The following CNTRL variants were observed in gnomAD, a reference collection of about 807,000 sequenced individuals.
The protein encoded by CNTRL is centriolin.
Under a neutral mutation model 303.7 loss-of-function variants are expected in CNTRL, and 233 were observed. The ratio of observed to expected loss-of-function variants is 0.77; its 90% CI spans 0.69 to 0.86. The LOEUF is 0.86. CNTRL is among the 40% of genes least tolerant of loss of function. CNTRL has a pLI of 0.00. For synonymous variants in CNTRL, 900 were observed against 922.2 expected (o/e 0.98, Z 0.44); for missense variants, 2,524 against 2,650.6 (o/e 0.95, Z 1.05).
chr9:121,096,629 G>C, intron 6 of CNTRL, 66 bp downstream of exon 6: 1 of 1,259,236 alleles, frequency 7.9e-7, no homozygotes, highest in Admixed American at 2.7e-5. Context: ...AAATATCTAA[G>C]TTTTTTAAAA....
rs2051460310 is a variant in CNTRL at position 121,140,733 on chromosome 9, A to G, written c.2430A>G (p.Ala810=). ...GTTTGGTTCGTCCAGAAGAAGTGGC[A>G]GCTCGTGTGGATGAGCTAAGAAGAA... ...VDGLVRPEEV[A]ARVDELRRKL... Residue 810 remains alanine (A), a synonymous_variant, in exon 17 of 44, where the codon GCA becomes GCG. Coordinates refer to ENST00000373855, the MANE Select transcript of CNTRL (RefSeq NM_007018.6). The G allele has an allele frequency of 6.2e-7, 1 of 1,613,594 alleles. No homozygotes were observed. Among genetic ancestry groups the G allele is most frequent in the African/African-American group, 1.3e-5 (1 of 74,928 alleles).
chr9:121,081,095 G>GT (rs1771442790), intron 2 of CNTRL, among the ~76,000 whole-genome samples: 3 of 152,302 alleles, frequency 2.0e-5, no homozygotes, highest in Admixed American at 6.5e-5. Context: ...TGGCCTCTCT[G>GT]TGCAGCATTC....
chr9:121,090,471 A>G, intron 4 of CNTRL, 66 bp downstream of exon 4: 1 of 1,450,110 alleles, frequency 6.9e-7, no homozygotes, highest in South Asian at 1.3e-5. Flanking sequence ...AATACTGCGA[A>G]AAAAAATTAT....
intron 27 of CNTRL, among the ~76,000 whole-genome samples, chr9:121,156,132 GATA>G (rs1373822862): frequency 6.6e-6 from 1 of 151,562 alleles, no homozygotes; most frequent in Non-Finnish European, 1.5e-5. Context: ...AAGATATTTT[GATA>G]ATATATCAAA....
chr9:121,086,425 G>A (rs1448872688), intron 2 of CNTRL, among the ~76,000 whole-genome samples: 1 of 152,158 alleles, frequency 6.6e-6, no homozygotes. Flanking sequence ...AGCAACAGTT[G>A]AGCTGATCTC....
rs145094487 is a variant in CNTRL, at chr9:121,133,480, G to A, written c.2026-2326G>A. 8.8e-3 allele frequency among the ~76,000 whole-genome samples: 1,345 copies of A among 152,358 alleles called. 69 individuals are homozygous for A. Among genetic ancestry groups the A allele is most frequent in the Admixed American group, 0.075 (1,143 of 15,308 alleles). ...GTGGGATATGATCTCCTGGTGTGCTGTTTGCTAAGACCATTGGAAAAGCAC... is the reference window on the plus strand; with the variant it reads ...GTGGGATATGATCTCCTGGTGTGCTATTTGCTAAGACCATTGGAAAAGCAC... On this transcript the variant is annotated intron_variant, in intron 14 of 43. Coordinates refer to ENST00000373855, the MANE Select transcript of CNTRL (RefSeq NM_007018.6).
At position 121,082,064 on chromosome 9, in the gene CNTRL, T is replaced by G. The variant is rs563447340; in HGVS notation, c.-32+1586T>G. On this transcript the variant is annotated intron_variant, in intron 2 of 43. Coordinates refer to ENST00000373855, the MANE Select transcript of CNTRL (RefSeq NM_007018.6). ...TATGTGATAGGAAACAGGAGGAACA[T>G]CAAATATATAGGTTAAAAGAGAAAT... Among the ~76,000 whole-genome samples, 12 of 152,330 alleles carry G rather than the reference T, an allele frequency of 7.9e-5. No individual in the cohort carries two copies. The South Asian group carries it at 2.5e-3, about 32-fold the overall frequency.
At position 121,151,464 on chromosome 9, in the gene CNTRL, C is replaced by T. The variant is rs1180667278; in HGVS notation, c.3963+981C>T. Among the ~76,000 whole-genome samples, 10 of 130,412 alleles carry T rather than the reference C, an allele frequency of 7.7e-5. No homozygotes were observed. In the Admixed American group the frequency reaches 1.0e-3, roughly 13 times the overall value. The allele number at this position is 130,412 out of a possible 152,430, so 85.6% of individuals were successfully genotyped here. On this transcript the variant is annotated intron_variant, in intron 25 of 43. Transcript: ENST00000373855. ...GGAGTGCGGTGGCGTGATCTTGGCT[C>T]ACTGCAACCTCCGCCTCCCGGGTTC...
At chr9:121,137,153 A>G (rs1463408999) in intron 15 of CNTRL, among the ~76,000 whole-genome samples, 1 of 152,202 alleles carries the variant, frequency 6.6e-6, no homozygotes, top group African/African-American at 2.4e-5. Context: ...CAGTTGTAAT[A>G]TATTCTTTAT....
chr9:121,176,296 A>T (rs2053521509), intron 43 of CNTRL, among the ~76,000 whole-genome samples: 1 of 152,228 alleles, frequency 6.6e-6, no homozygotes, highest in Non-Finnish European at 1.5e-5. Flanking sequence ...TTAATGGTGG[A>T]GCCACAAGGA....
chr9:121,149,667 A>C (rs950690426), intron 24 of CNTRL, among the ~76,000 whole-genome samples: 1 of 152,050 alleles, frequency 6.6e-6, no homozygotes, highest in Non-Finnish European at 1.5e-5. Context: ...TCGGCCTCCC[A>C]AAGTGCTGGG....
rs1435427943 is a variant in CNTRL at position 121,144,733 on chromosome 9, A to G, written c.3052-110A>G. 9.2e-6 allele frequency: 8 copies of G among 873,914 alleles called. No homozygotes were observed. In the East Asian group the frequency reaches 9.9e-5, roughly 11 times the overall value. 54.1% of individuals were successfully genotyped at this position (873,914 alleles called of 1,614,324 possible). A position where few individuals can be genotyped will look rare whatever the true frequency, so the allele number is the denominator to read the frequency against. ...GGGGCTTGGATGTCCCTTTTCATGG[A>G]CAGCCTGGTAGGCAATGTGATGAAA... is the stretch of plus-strand genomic sequence containing the variant. On this transcript the variant is annotated intron_variant, in intron 20 of 43. Transcript: ENST00000373855.
chr9:121,117,579 A>G (rs2050035335), intron 11 of CNTRL, among the ~76,000 whole-genome samples: 2 of 152,206 alleles, frequency 1.3e-5, no homozygotes, highest in Non-Finnish European at 2.9e-5. Context: ...ACAAACTCCT[A>G]GTATGACCTT....
chr9:121,161,053 C>T (rs1014611605), intron 32 of CNTRL, among the ~76,000 whole-genome samples: 1 of 152,096 alleles, frequency 6.6e-6, no homozygotes, highest in African/African-American at 2.4e-5. Context: ...GACATGCAAA[C>T]ATGACCATGA....
In CNTRL at chr9:121,154,830, C is replaced by A. The variant is rs758206739; in HGVS notation, c.4282C>A (p.Leu1428Ile). 6.2e-7 allele frequency: 1 copy of A among 1,614,128 alleles called. No individual in the cohort carries two copies. Among genetic ancestry groups the A allele is most frequent in the South Asian group, 1.1e-5 (1 of 91,080 alleles). Reference sequence around the variant, plus strand: ...TGAAATTGAGTGCATTGAGAAGACTCTTCTGAAACGTCGCTCAGAGCTCAG... The same window carrying A: ...TGAAATTGAGTGCATTGAGAAGACTATTCTGAAACGTCGCTCAGAGCTCAG... The part of the protein sequence containing the change: ...VDEIECIEKT[L>I]LKRRSELREA... Residue 1428 changes from leucine (L) to isoleucine (I), a missense_variant, in exon 27 of 44, where the codon CTT becomes ATT. By Grantham distance (5) the Leu-to-Ile change is conservative (BLOSUM62 2). Transcript: ENST00000373855.
chr9:121,095,815 T>C (rs2132514181), intron 5 of CNTRL, among the ~76,000 whole-genome samples: 1 of 145,806 alleles, frequency 6.9e-6, no homozygotes, highest in South Asian at 2.2e-4. Flanking sequence ...GGCTTTGAAG[T>C]ATTTGTGCAG....
At chr9:121,096,683 C>T (rs979965981) in intron 6 of CNTRL, 120 bp downstream of exon 6, 19 of 726,842 alleles carry the variant, frequency 2.6e-5, no homozygotes, top group Middle Eastern at 4.4e-4. Flanking sequence ...TGACTAAACA[C>T]TAGATTCAGA....
chr9:121,144,117 T>A, intron 20 of CNTRL, 35 bp downstream of exon 20: 6 of 1,523,198 alleles, frequency 3.9e-6, no homozygotes, highest in Non-Finnish European at 4.4e-6. Context: ...TTTCCATCAA[T>A]GATGCTGCTG....
chr9:121,167,622 A>G lies in CNTRL; in HGVS notation c.5789A>G (p.Gln1930Arg). The change falls in exon 37 of 44, where the codon CAA becomes CGA. Residue 1930 changes from glutamine (Q) to arginine (R), a missense_variant. By Grantham distance (43) the Gln-to-Arg change is conservative. Coordinates refer to ENST00000373855, the MANE Select transcript of CNTRL (RefSeq NM_007018.6). ...GAGGAGACAAAACAACAACAACTTCAAGTGCTTCAGAATGAGATTGAAGAA... is the reference window on the plus strand; with the variant it reads ...GAGGAGACAAAACAACAACAACTTCGAGTGCTTCAGAATGAGATTGAAGAA... ...KEEETKQQQL[Q>R]VLQNEIEENK... 1 of 1,614,196 alleles carries G rather than the reference A, an allele frequency of 6.2e-7. No individual in the cohort carries two copies. The highest frequency in any genetic ancestry group is 1.1e-5 in the South Asian group (1 of 91,084).
Sources: gnomAD v4.1 joint callset for allele counts (sites outside exome capture counted in the v4.1 genomes callset) on GRCh38, gnomAD v4.1.1 for gene constraint, MANE v1.5 for transcripts, NCBI Gene and HGNC (gene_info 2026-07-23, HGNC 2026-07-21) for gene names.